The following WDR7 variants were observed in gnomAD, a reference collection of about 807,000 sequenced individuals.
The protein encoded by WDR7 is WD repeat domain 7.
In WDR7, 46 loss-of-function variants were observed where a neutral mutation model predicts 169.4. That is an observed-to-expected ratio of 0.27 (90% CI 0.21 to 0.35). The LOEUF is 0.35. Ranked by LOEUF, WDR7 falls within the 10% of genes least tolerant of loss-of-function variation. The probability of loss-of-function intolerance (pLI) is 1.00; values close to 1 mark genes in which losing one functional copy is unlikely to be tolerated. For missense variants in WDR7, 1,534 were observed against 1,859.3 expected (o/e 0.83, Z 3.22); for synonymous variants, 612 against 666.8 (o/e 0.92, Z 1.27).
intron 19 of WDR7, among the ~76,000 whole-genome samples, chr18:56,807,320 G>C (rs1251532742): frequency 6.6e-6 from 1 of 151,986 alleles, no homozygotes; most frequent in East Asian, 1.9e-4. Flanking sequence ...GTATCAAAAC[G>C]GTTTTTTCTT....
intron 16 of WDR7, among the ~76,000 whole-genome samples, chr18:56,768,738 G>A (rs1219442461): frequency 2.0e-5 from 3 of 152,024 alleles, no homozygotes; most frequent in Non-Finnish European, 4.4e-5. Flanking sequence ...CCTCTACTGT[G>A]CACATTGACT....
chr18:56,848,508 A>C (rs2045597794), intron 20 of WDR7, among the ~76,000 whole-genome samples: 1 of 152,260 alleles, frequency 6.6e-6, no homozygotes, highest in South Asian at 2.1e-4. Flanking sequence ...TGAGAAGGAC[A>C]TAAGATTAGG....
chr18:56,942,356 GT>G (rs1208368491), intron 25 of WDR7, among the ~76,000 whole-genome samples: 2 of 152,166 alleles, frequency 1.3e-5, no homozygotes, highest in African/African-American at 4.8e-5. Flanking sequence ...ACTTGTTCCA[GT>G]TTGTGCCAGT....
chr18:56,754,271 GTGTGTGTGTGTGTGTA>G (rs1568175628), intron 14 of WDR7, among the ~76,000 whole-genome samples: 1 of 147,484 alleles, frequency 6.8e-6, no homozygotes, highest in Admixed American at 6.7e-5. Flanking sequence ...GTGTGTGTGT[GTGTGTGTGTGTGTGTA>G]TATGTGTGTG....
intron 2 of WDR7, among the ~76,000 whole-genome samples, chr18:56,676,240 A>G (rs1300126632): frequency 6.6e-6 from 1 of 150,858 alleles, no homozygotes; most frequent in East Asian, 2.0e-4. Context: ...TCATCCCTTT[A>G]TTTTCAGTCT....
At chr18:56,919,289 C>G (rs115446343) in intron 21 of WDR7, among the ~76,000 whole-genome samples, 1 of 152,184 alleles carries the variant, frequency 6.6e-6, no homozygotes, top group Non-Finnish European at 1.5e-5. Context: ...CTGGACTTAA[C>G]TGACACATGT....
chr18:56,683,010 A>T (rs2025379539), intron 5 of WDR7, among the ~76,000 whole-genome samples, 157 bp downstream of exon 5: 1 of 152,230 alleles, frequency 6.6e-6, no homozygotes, highest in Non-Finnish European at 1.5e-5. Flanking sequence ...CTTCCTTCAT[A>T]AAGAAATCTT....
chr18:56,837,418 T>C (rs186401609), intron 20 of WDR7, among the ~76,000 whole-genome samples: 2 of 152,316 alleles, frequency 1.3e-5, no homozygotes, highest in African/African-American at 4.8e-5. Flanking sequence ...AGTAAAAATG[T>C]CACAAGCTGA....
chr18:56,721,445 G>A (rs1388280083), intron 13 of WDR7: 6 of 152,120 alleles, frequency 3.9e-5, no homozygotes. Context: ...TTTCTTATAT[G>A]TAATAGCAAT....
chr18:56,866,695 T>C (rs992422465), intron 20 of WDR7, among the ~76,000 whole-genome samples: 8 of 152,216 alleles, frequency 5.3e-5, no homozygotes, highest in East Asian at 1.9e-4. Flanking sequence ...TCAGCTCTTA[T>C]ATGGCAAAAT....
At chr18:56,867,045 G>T (rs2045892369) in intron 20 of WDR7, among the ~76,000 whole-genome samples, 1 of 149,318 alleles carries the variant, frequency 6.7e-6, no homozygotes, top group African/African-American at 2.5e-5. Context: ...TTATTTTTGA[G>T]GCAGGGTCTC....
chr18:56,990,660 T>A (rs891473994), intron 26 of WDR7, among the ~76,000 whole-genome samples: 47 of 152,124 alleles, frequency 3.1e-4, no homozygotes, highest in African/African-American at 1.1e-3. Context: ...AAAATGCAAA[T>A]ATTATAAAGG....
At chr18:56,861,650 A>G (rs545622385) in intron 20 of WDR7, among the ~76,000 whole-genome samples, 1 of 151,960 alleles carries the variant, frequency 6.6e-6, no homozygotes, top group South Asian at 2.1e-4. Context: ...TTGGCCTTTC[A>G]TTTCTGAACA....
At chr18:56,756,433 C>A in intron 14 of WDR7, 150 bp from the exon 15 acceptor site, 1 of 659,454 alleles carries the variant, frequency 1.5e-6, no homozygotes, top group Non-Finnish European at 2.4e-6. Flanking sequence ...TGCTGATTGG[C>A]AAAGTTAGTA....
chr18:56,713,419 A>T (rs781430266), intron 12 of WDR7, among the ~76,000 whole-genome samples: 2 of 152,214 alleles, frequency 1.3e-5, no homozygotes, highest in Non-Finnish European at 1.5e-5. Context: ...TTTAGGTGAT[A>T]CATTGCACAG....
intron 19 of WDR7, among the ~76,000 whole-genome samples, chr18:56,811,639 T>C (rs2044870941): frequency 6.6e-6 from 1 of 152,130 alleles, no homozygotes; most frequent in African/African-American, 2.4e-5. Flanking sequence ...ATGATCTACT[T>C]TGAGTTACTA....
chr18:56,778,669 T>C (rs561630042), intron 17 of WDR7, among the ~76,000 whole-genome samples: 45 of 152,222 alleles, frequency 3.0e-4, no homozygotes, highest in Non-Finnish European at 6.2e-4. Flanking sequence ...TTTTACACTT[T>C]GCACTGGCAT....
At chr18:56,916,104 A>G (rs183898594) in intron 21 of WDR7, among the ~76,000 whole-genome samples, 106 of 152,338 alleles carry the variant, frequency 7.0e-4, no homozygotes, top group African/African-American at 2.3e-3. Context: ...GGAAACATCA[A>G]TGGAAAACTT....
chr18:56,706,851 C>G (rs1290780825), intron 12 of WDR7, among the ~76,000 whole-genome samples: 1 of 151,798 alleles, frequency 6.6e-6, no homozygotes, highest in Non-Finnish European at 1.5e-5. Context: ...CCACACCCAG[C>G]TAATTTTTGT....
Sources: allele counts gnomAD v4.1 joint callset (sites outside exome capture counted in the v4.1 genomes callset), GRCh38; gene constraint gnomAD v4.1.1; transcripts MANE v1.5; gene names NCBI Gene and HGNC (gene_info 2026-07-23, HGNC 2026-07-21).